The following CORIN variants were observed in gnomAD, a reference collection of about 807,000 sequenced individuals.
CORIN encodes the protein atrial natriuretic peptide-converting enzyme.
Under a neutral mutation model 125.3 loss-of-function variants are expected in CORIN, and 117 were observed. That is an observed-to-expected ratio of 0.93 (90% CI 0.80 to 1.09). CORIN has a LOEUF of 1.09. Among genes scored for constraint, CORIN ranks in the 50% least tolerant of loss-of-function variants. CORIN has a pLI of 0.00. For synonymous variants in CORIN, 450 were observed against 466.4 expected (o/e 0.96, Z 0.45); for missense variants, 1,253 against 1,306.7 (o/e 0.96, Z 0.63).
At chr4:47,678,814 C>A (rs1404831504) in intron 8 of CORIN, among the ~76,000 whole-genome samples, 1 of 147,886 alleles carries the variant, frequency 6.8e-6, no homozygotes, top group Admixed American at 6.9e-5. Flanking sequence ...CAAGACTCCA[C>A]ACCAGAAGTG....
intron 19 of CORIN, among the ~76,000 whole-genome samples, chr4:47,608,062 T>C (rs988626169): frequency 6.6e-6 from 1 of 152,144 alleles, no homozygotes; most frequent in African/African-American, 2.4e-5. Context: ...GGTTCACACC[T>C]GTAATAACAG....
At chr4:47,680,331 G>T in intron 7 of CORIN, 80 bp from the exon 8 acceptor site, 4 of 962,054 alleles carry the variant, frequency 4.2e-6, no homozygotes, top group Non-Finnish European at 6.5e-6. Flanking sequence ...AGTTCCCATC[G>T]AAGAGAGTCT....
intron 5 of CORIN, among the ~76,000 whole-genome samples, chr4:47,695,535 T>C (rs1725953723): frequency 2.6e-5 from 4 of 152,220 alleles, no homozygotes; most frequent in Non-Finnish European, 5.9e-5. Flanking sequence ...ACAGCTTGCA[T>C]TGTTTTGATT....
At chr4:47,806,767 T>C (rs1419246436) in intron 2 of CORIN, 136 bp downstream of exon 2, 5 of 837,726 alleles carry the variant, frequency 6.0e-6, no homozygotes, top group Admixed American at 6.8e-5. Flanking sequence ...ACTGCAGATT[T>C]GCATAACGTC....
chr4:47,705,602 G>C (rs1395740147), intron 5 of CORIN, among the ~76,000 whole-genome samples: 3 of 152,178 alleles, frequency 2.0e-5, no homozygotes, highest in South Asian at 4.1e-4. Context: ...GTGGCCATAG[G>C]GGGAGGAGAC....
intron 9 of CORIN, 60 bp from the exon 10 acceptor site, chr4:47,674,560 T>C (rs1457358658): frequency 1.0e-6 from 1 of 1,000,896 alleles, no homozygotes; most frequent in Admixed American, 1.7e-5. Flanking sequence ...TACCTAAGGA[T>C]CTAAAAGATC....
intron 2 of CORIN, among the ~76,000 whole-genome samples, chr4:47,805,805 A>C (rs1196493136): frequency 6.6e-6 from 1 of 152,238 alleles, no homozygotes; most frequent in African/African-American, 2.4e-5. Flanking sequence ...TCTATAAACC[A>C]GTAAGAAAAT....
intron 19 of CORIN, among the ~76,000 whole-genome samples, chr4:47,611,953 A>G (rs755111611): frequency 2.0e-4 from 31 of 152,110 alleles, no homozygotes; most frequent in Non-Finnish European, 3.7e-4. Context: ...GTGCTGCTGG[A>G]TTTGGTTTGC....
chr4:47,627,132 G>GGGAT (rs1722610067), intron 16 of CORIN, among the ~76,000 whole-genome samples: 2 of 151,974 alleles, frequency 1.3e-5, no homozygotes, highest in African/African-American at 4.8e-5. Context: ...ACAGGTACAT[G>GGGAT]CAATCACGCC....
intron 4 of CORIN, among the ~76,000 whole-genome samples, chr4:47,745,766 G>A (rs1250447353): frequency 3.9e-5 from 6 of 152,168 alleles, no homozygotes; most frequent in Non-Finnish European, 7.3e-5. Context: ...AACATAAGGG[G>A]ATAGGCCAGC....
intron 5 of CORIN, among the ~76,000 whole-genome samples, chr4:47,718,454 A>C (rs1727200286): frequency 6.6e-6 from 1 of 152,246 alleles, no homozygotes; most frequent in Non-Finnish European, 1.5e-5. Context: ...AAATTAAATG[A>C]GACAGGGTAT....
At chr4:47,805,148 A>AAAAAAATAATAATAAT (rs796469224) in intron 2 of CORIN, among the ~76,000 whole-genome samples, 7 of 129,164 alleles carry the variant, frequency 5.4e-5, no homozygotes, top group African/African-American at 1.8e-4. Context: ...AAAAAAAAAA[A>AAAAAAATAATAATAAT]AATAATAATA....
At chr4:47,600,134 C>A in intron 21 of CORIN, 80 bp downstream of exon 21, 1 of 1,229,054 alleles carries the variant, frequency 8.1e-7, no homozygotes, top group Non-Finnish European at 1.1e-6. Flanking sequence ...TCCAAAGGGC[C>A]ATACGTAATA....
chr4:47,729,618 A>C (rs1317017375), intron 5 of CORIN, among the ~76,000 whole-genome samples: 2 of 152,094 alleles, frequency 1.3e-5, no homozygotes, highest in African/African-American at 4.8e-5. Flanking sequence ...TACAGACGGG[A>C]GGTGGAAATG....
intron 3 of CORIN, 91 bp downstream of exon 3, chr4:47,786,634 G>C (rs1730827748): frequency 2.1e-6 from 2 of 931,580 alleles, no homozygotes; most frequent in Non-Finnish European, 3.4e-6. Context: ...TGACCGGCAA[G>C]TGATTGTGAA....
chr4:47,632,774 TA>T (rs1201852320), intron 16 of CORIN, among the ~76,000 whole-genome samples: 9 of 124,390 alleles, frequency 7.2e-5, no homozygotes, highest in African/African-American at 2.7e-4. Flanking sequence ...TAGAGATAGA[TA>T]GTTAGATAGA....
At chr4:47,830,534 A>G (rs1286644035) in intron 1 of CORIN, among the ~76,000 whole-genome samples, 1 of 152,212 alleles carries the variant, frequency 6.6e-6, no homozygotes, top group African/African-American at 2.4e-5. Context: ...AAGTGCATGA[A>G]TCCCTGTTTT....
At chr4:47,635,367 G>A (rs1183485238) in intron 16 of CORIN, among the ~76,000 whole-genome samples, 1 of 152,212 alleles carries the variant, frequency 6.6e-6, no homozygotes, top group Non-Finnish European at 1.5e-5. Flanking sequence ...ATAACCAAAT[G>A]TGATAGAGTT....
intron 19 of CORIN, among the ~76,000 whole-genome samples, chr4:47,607,706 C>G (rs928449122): frequency 6.6e-6 from 1 of 152,148 alleles, no homozygotes; most frequent in African/African-American, 2.4e-5. Context: ...ATGGCAAAGA[C>G]AGCCCTGTGT....
Sources: gnomAD v4.1 joint callset for allele counts (sites outside exome capture counted in the v4.1 genomes callset) on GRCh38, gnomAD v4.1.1 for gene constraint, MANE v1.5 for transcripts, NCBI Gene and HGNC (gene_info 2026-07-23, HGNC 2026-07-21) for gene names.